Variants in AGPAT4 observed in about 807,000 individuals in gnomAD.
AGPAT4 encodes 1-acyl-sn-glycerol-3-phosphate acyltransferase delta.
AGPAT4 carries 15 observed loss-of-function variants against 48.0 expected under a neutral mutation model. That is an observed-to-expected ratio of 0.31 (90% CI 0.21 to 0.48). The LOEUF is 0.48. Among genes scored for constraint, AGPAT4 ranks in the 20% least tolerant of loss-of-function variants. The pLI is 0.99. For synonymous variants in AGPAT4, 178 were observed against 198.7 expected, an observed-to-expected ratio of 0.90 and a Z score of 0.88; for missense variants, 314 against 482.5, an observed-to-expected ratio of 0.65 and a Z score of 3.27.
intron 1 of AGPAT4, among the ~76,000 whole-genome samples, chr6:161,250,843 A>G (rs1000011781): frequency 6.6e-6 from 1 of 152,230 alleles, no homozygotes; most frequent in East Asian, 1.9e-4. Context: ...ACAGTCTTAC[A>G]TTAAACTGCA....
At chr6:161,175,008 G>A (rs113661169) in intron 2 of AGPAT4, among the ~76,000 whole-genome samples, 25 of 152,244 alleles carry the variant, frequency 1.6e-4, no homozygotes, top group African/African-American at 3.1e-4. Context: ...CAACTTGATC[G>A]TGGTGGATAA....
rs1356380566 is a variant in AGPAT4, at chr6:161,238,389, C to G, written c.-89-6087G>C. 1.3e-5 allele frequency among the ~76,000 whole-genome samples: 2 copies of G among 152,198 alleles called. No individual in the cohort carries two copies. Among genetic ancestry groups the G allele is most frequent in the African/African-American group, 4.8e-5 (2 of 41,454 alleles). ...TTGCAAGAAGGCAAAGAAGGAGCAG[C>G]TAAGACAGATGACTTCGTCTCTCCT... On this transcript the variant is annotated intron_variant, in intron 1 of 8. Transcript: ENST00000320285. The surrounding 1 kb of genome is among the most constrained non-coding windows in gnomAD (Gnocchi z 5.2).
Position 161,216,446 on chromosome 6 carries a change from G to A in AGPAT4, c.178+15590C>T, listed in dbSNP as rs980261658. ...TCCTCAGGACAGTGAAACGCTTCCG[G>A]GCAATCGTTCTTTCCTCATTCTTTC... On this transcript the variant is annotated intron_variant, in intron 2 of 8. Transcript: ENST00000320285. This position sits in a 1 kb window ranked among gnomAD's most constrained non-coding sequence, Gnocchi z 4.8. Among the ~76,000 whole-genome samples, 3 of 152,078 alleles carry A rather than the reference G, an allele frequency of 2.0e-5. No homozygotes were observed. The highest frequency in any genetic ancestry group is 6.5e-5 in the Admixed American group (1 of 15,276).
chr6:161,153,326 G>A lies in AGPAT4; in HGVS notation c.664+20C>T, dbSNP rs1483717700. ...TCCTCGCTGCCACGGGGAGGCCCAGGGCCACGCACTCTTCCTTACCTACAT... is the reference window on the plus strand; with the variant it reads ...TCCTCGCTGCCACGGGGAGGCCCAGAGCCACGCACTCTTCCTTACCTACAT... On this transcript the variant is annotated intron_variant, in intron 5 of 8. Coordinates refer to ENST00000320285, the MANE Select transcript of AGPAT4 (RefSeq NM_020133.3). The A allele has an allele frequency of 6.3e-7, 1 of 1,596,212 alleles. No individual in the cohort carries two copies. The highest frequency in any genetic ancestry group is 2.3e-5 in the East Asian group (1 of 43,962).
rs1376813524 is a variant in AGPAT4, at chr6:161,161,342, C to A, written c.348+4906G>T. On this transcript the variant is annotated intron_variant, in intron 3 of 8. Coordinates refer to ENST00000320285, the MANE Select transcript of AGPAT4 (RefSeq NM_020133.3). The surrounding 1 kb of genome is among the most constrained non-coding windows in gnomAD (Gnocchi z 4.6). Reference sequence around the variant, plus strand: ...GTGAGCTGCCCACTTCCTGCCCTGGCCAGTGGTTCGCCTGCTACCTCGGTC... The same window carrying A: ...GTGAGCTGCCCACTTCCTGCCCTGGACAGTGGTTCGCCTGCTACCTCGGTC... 1 of 456,710 alleles carries A rather than the reference C, an allele frequency of 2.2e-6. No individual in the cohort carries two copies. The highest frequency in any genetic ancestry group is 4.4e-6 in the Non-Finnish European group (1 of 226,966). 28.3% of individuals were successfully genotyped at this position (456,710 alleles called of 1,614,324 possible).
Position 161,165,970 on chromosome 6 carries a change from G to A in AGPAT4, c.348+278C>T. Reference sequence around the variant, plus strand: ...CTTAGTTTTTAAAAAATGGAGTGTGGCACATCATCTATTCATGTTGCTGTA... The same window carrying A: ...CTTAGTTTTTAAAAAATGGAGTGTGACACATCATCTATTCATGTTGCTGTA... On this transcript the variant is annotated intron_variant, in intron 3 of 8. Coordinates refer to ENST00000320285, the MANE Select transcript of AGPAT4 (RefSeq NM_020133.3). This position sits in a 1 kb window ranked among gnomAD's most constrained non-coding sequence, Gnocchi z 5.5. 1.6e-6 allele frequency: 1 copy of A among 606,388 alleles called. No individual in the cohort carries two copies. Among genetic ancestry groups the A allele is most frequent in the Non-Finnish European group, 2.9e-6 (1 of 340,852 alleles). 37.6% of individuals were successfully genotyped at this position (606,388 alleles called of 1,614,324 possible).
rs1482848047 is a variant in AGPAT4 at position 161,138,970 on chromosome 6, C to T, written c.1042+452G>A. 6.6e-6 allele frequency among the ~76,000 whole-genome samples: 1 copy of T among 152,184 alleles called. No individual in the cohort carries two copies. On this transcript the variant is annotated intron_variant, in intron 8 of 8. Coordinates refer to ENST00000320285, the MANE Select transcript of AGPAT4 (RefSeq NM_020133.3). The surrounding 1 kb of genome is among the most constrained non-coding windows in gnomAD (Gnocchi z 4.8). ...AGCTCTGTCGCCGAGTGTCTCCACT[C>T]AGTGTCATCCACCTGCAGCAAAGGA...
rs1781271913 is a variant in AGPAT4 at position 161,202,858 on chromosome 6, C to T, written c.178+29178G>A. On this transcript the variant is annotated intron_variant, in intron 2 of 8. Transcript: ENST00000320285. This position sits in a 1 kb window ranked among gnomAD's most constrained non-coding sequence, Gnocchi z 5.4. ...GCTAAGAAATGCTACTGCCTTGAAGCTGTCTGCCATGGGGAAGCCTGGGCT... is the reference window on the plus strand; with the variant it reads ...GCTAAGAAATGCTACTGCCTTGAAGTTGTCTGCCATGGGGAAGCCTGGGCT... Among the ~76,000 whole-genome samples the T allele has an allele frequency of 6.6e-6, 1 of 152,178 alleles. No individual in the cohort carries two copies. Among genetic ancestry groups the T allele is most frequent in the Non-Finnish European group, 1.5e-5 (1 of 68,034 alleles).
At chr6:161,227,629 G>C (rs535051555) in intron 2 of AGPAT4, among the ~76,000 whole-genome samples, 1 of 152,330 alleles carries the variant, frequency 6.6e-6, no homozygotes, top group African/African-American at 2.4e-5. Context: ...CCATCTTCCA[G>C]ATAGGAGCAG....
At chr6:161,190,566 T>C (rs1261194399) in intron 2 of AGPAT4, among the ~76,000 whole-genome samples, 3 of 147,436 alleles carry the variant, frequency 2.0e-5, no homozygotes, top group Admixed American at 6.9e-5. Flanking sequence ...CATGGGAAGC[T>C]TTACCCAGAA....
rs1254465099 is a variant in AGPAT4, at chr6:161,264,294, G to A, written c.-90+9644C>T. On this transcript the variant is annotated intron_variant, in intron 1 of 8. Transcript: ENST00000320285. The surrounding 1 kb of genome is among the most constrained non-coding windows in gnomAD (Gnocchi z 6.8). ...CCTCTTCTGGGCCTCCCCTCCCAGA[G>A]CTGCAGGATGCTCAGCCTCTCTCTG... Among the ~76,000 whole-genome samples, 1 of 152,018 alleles carries A rather than the reference G, an allele frequency of 6.6e-6. No individual in the cohort carries two copies. The highest frequency in any genetic ancestry group is 1.9e-4 in the East Asian group (1 of 5,168).
In AGPAT4 at chr6:161,158,483, GGAGA is replaced by G. The variant is rs764585384; in HGVS notation, c.349-4177_349-4174del. Among the ~76,000 whole-genome samples, 3 of 152,174 alleles carry G rather than the reference GGAGA, an allele frequency of 2.0e-5. No individual in the cohort carries two copies. Among genetic ancestry groups the G allele is most frequent in the Non-Finnish European group, 4.4e-5 (3 of 68,034 alleles). ...ATTTTCACGTGGAGTAAACCACTAT[GGAGA>G]GAGAGAGTGAAAGAGAGAGTTGTCT... On this transcript the variant is annotated intron_variant, in intron 3 of 8. Transcript: ENST00000320285. This position sits in a 1 kb window ranked among gnomAD's most constrained non-coding sequence, Gnocchi z 5.3.
At position 161,228,832 on chromosome 6, in the gene AGPAT4, C is replaced by T. The variant is rs369754890; in HGVS notation, c.178+3204G>A. Among the ~76,000 whole-genome samples, 17 of 152,056 alleles carry T rather than the reference C, an allele frequency of 1.1e-4. No homozygotes were observed. In the East Asian group the frequency reaches 2.7e-3, roughly 24 times the overall value. ...ATCCTCCCTTCCTCCTTCAGCATGCCAAGCCAGCCTGACTTGGCCTTTCCT... is the reference window on the plus strand; with the variant it reads ...ATCCTCCCTTCCTCCTTCAGCATGCTAAGCCAGCCTGACTTGGCCTTTCCT... On this transcript the variant is annotated intron_variant, in intron 2 of 8. Transcript: ENST00000320285.
At position 161,154,337 on chromosome 6, in the gene AGPAT4, C is replaced by T. The variant is rs1779700707; in HGVS notation, c.349-27G>A. 8 of 1,612,974 alleles carry T rather than the reference C, an allele frequency of 5.0e-6. No individual in the cohort carries two copies. In the South Asian group the frequency reaches 6.6e-5, roughly 13 times the overall value. On this transcript the variant is annotated intron_variant, in intron 3 of 8. Coordinates refer to ENST00000320285, the MANE Select transcript of AGPAT4 (RefSeq NM_020133.3). This position sits in a 1 kb window ranked among gnomAD's most constrained non-coding sequence, Gnocchi z 7.8. ...TGAAACAGAAGAAGGAGCCCAGGTG[C>T]CCATGAAGGAGACGTCAGAGCCACC...
chr6:161,253,238 T>C (rs1782852448), intron 1 of AGPAT4, among the ~76,000 whole-genome samples: 3 of 149,786 alleles, frequency 2.0e-5, no homozygotes, highest in Admixed American at 6.7e-5. Flanking sequence ...AAAATGTATA[T>C]GATATGATCC....
rs182289388 is a variant in AGPAT4 at position 161,243,563 on chromosome 6, G to A, written c.-89-11261C>T. On this transcript the variant is annotated intron_variant, in intron 1 of 8. Transcript: ENST00000320285. This position sits in a 1 kb window ranked among gnomAD's most constrained non-coding sequence, Gnocchi z 4.8. Reference sequence around the variant, plus strand: ...AGTAGCTTATGCTCTCTGAGCCTCCGGGTCTGTATCTGCTAATGGAGGTGA... The same window carrying A: ...AGTAGCTTATGCTCTCTGAGCCTCCAGGTCTGTATCTGCTAATGGAGGTGA... Among the ~76,000 whole-genome samples the A allele has an allele frequency of 8.2e-4, 125 of 152,236 alleles. No individual in the cohort carries two copies. The highest frequency in any genetic ancestry group is 2.9e-3 in the African/African-American group (120 of 41,532).
rs1779225008 is a variant in AGPAT4, at chr6:161,140,777, A to C, written c.844-1157T>G. ...AGCTGCCTGCAGGGAGCAGAGCTGA[A>C]CCAGGCAGCCACAGGGAATTGCCCA... is the stretch of plus-strand genomic sequence containing the variant. On this transcript the variant is annotated intron_variant, in intron 7 of 8. Coordinates refer to ENST00000320285, the MANE Select transcript of AGPAT4 (RefSeq NM_020133.3). This position sits in a 1 kb window ranked among gnomAD's most constrained non-coding sequence, Gnocchi z 6.5. Among the ~76,000 whole-genome samples, 1 of 152,186 alleles carries C rather than the reference A, an allele frequency of 6.6e-6. No homozygotes were observed. Among genetic ancestry groups the C allele is most frequent in the African/African-American group, 2.4e-5 (1 of 41,450 alleles).
Position 161,178,636 on chromosome 6 carries a change from G to T in AGPAT4, c.179-12219C>A, listed in dbSNP as rs918327230. 2.0e-5 allele frequency among the ~76,000 whole-genome samples: 3 copies of T among 152,128 alleles called. No homozygotes were observed. Among genetic ancestry groups the T allele is most frequent in the Admixed American group, 1.3e-4 (2 of 15,270 alleles). ...CACACTCGCGTGGGCTGCACCCACT[G>T]TCCGACAAGCCCCAGTGAGATGAAC... On this transcript the variant is annotated intron_variant, in intron 2 of 8. Transcript: ENST00000320285. This position sits in a 1 kb window ranked among gnomAD's most constrained non-coding sequence, Gnocchi z 5.1.
chr6:161,168,751 A>G (rs1780182748), intron 2 of AGPAT4, among the ~76,000 whole-genome samples: 1 of 152,212 alleles, frequency 6.6e-6, no homozygotes, highest in Non-Finnish European at 1.5e-5. Flanking sequence ...ACCACAAAAC[A>G]ACATGACAGG....
Sources: allele counts gnomAD v4.1 joint callset (sites outside exome capture counted in the v4.1 genomes callset), GRCh38; gene constraint gnomAD v4.1.1; non-coding constraint Gnocchi (gnomAD v3.1); transcripts MANE v1.5; gene names NCBI Gene and HGNC (gene_info 2026-07-23, HGNC 2026-07-21).